The following STXBP4 variants were observed in gnomAD, a reference collection of about 807,000 sequenced individuals.
STXBP4 encodes syntaxin binding protein 4.
Under a neutral mutation model 76.1 loss-of-function variants are expected in STXBP4, and 55 were observed. The observed-to-expected ratio is 0.72, with a 90% CI of 0.58 to 0.91. The LOEUF is 0.91. STXBP4 is among the 40% of genes least tolerant of loss of function. The probability of loss-of-function intolerance (pLI) is 0.00; values close to 1 mark genes in which losing one functional copy is unlikely to be tolerated. For missense variants in STXBP4, 618 were observed against 636.9 expected (o/e 0.97, Z 0.32); for synonymous variants, 201 against 220.2 (o/e 0.91, Z 0.77).
chr17:54,975,834 T>A (rs1406188529), intron 1 of STXBP4, among the ~76,000 whole-genome samples: 1 of 152,146 alleles, frequency 6.6e-6, no homozygotes, highest in Non-Finnish European at 1.5e-5. Context: ...TTTACTGCCC[T>A]CAGACCTTTT....
At chr17:55,062,642 T>C (rs1186836486) in intron 12 of STXBP4, among the ~76,000 whole-genome samples, 2 of 152,206 alleles carry the variant, frequency 1.3e-5, no homozygotes, top group East Asian at 3.8e-4. Context: ...TCAAATGGTA[T>C]TTCTGGTTCT....
chr17:55,123,728 G>C (rs1026779961), intron 16 of STXBP4, among the ~76,000 whole-genome samples: 2 of 151,804 alleles, frequency 1.3e-5, no homozygotes, highest in African/African-American at 4.8e-5. Flanking sequence ...GTGAAACCCC[G>C]TCTCTACTAA....
At chr17:55,137,020 C>T (rs568987326) in intron 16 of STXBP4, among the ~76,000 whole-genome samples, 1 of 152,102 alleles carries the variant, frequency 6.6e-6, no homozygotes, top group South Asian at 2.1e-4. Flanking sequence ...ATCATGCTAA[C>T]CCCCTAAGCT....
chr17:55,010,512 A>G (rs1443217380), intron 8 of STXBP4, among the ~76,000 whole-genome samples: 1 of 152,152 alleles, frequency 6.6e-6, no homozygotes. Context: ...TCTTCAAAGT[A>G]TGAATAGTAT....
chr17:55,039,347 TA>T lies in STXBP4; in HGVS notation c.856-3878del, dbSNP rs11463240. Among the ~76,000 whole-genome samples, 13 of 149,308 alleles carry T rather than the reference TA, an allele frequency of 8.7e-5. No individual in the cohort carries two copies. In the East Asian group the frequency reaches 1.4e-3, roughly 16 times the overall value. On this transcript the variant is annotated intron_variant, in intron 10 of 17. Transcript: ENST00000376352. Reference sequence around the variant, plus strand: ...TAATGCACACAGAGAGTAGTCTACTTAAAAAAAAAAAGATAATTGGGTTCAT... The same window carrying T: ...TAATGCACACAGAGAGTAGTCTACTTAAAAAAAAAAGATAATTGGGTTCAT...
Position 55,073,974 on chromosome 17 carries a change from T to C in STXBP4, c.1188+898T>C, listed in dbSNP as rs1370900655. Reference sequence around the variant, plus strand: ...ATTTTTTTTTACATAATACATACTATATTCAGTGAAGAGGCTTCAAAAATC... The same window carrying C: ...ATTTTTTTTTACATAATACATACTACATTCAGTGAAGAGGCTTCAAAAATC... On this transcript the variant is annotated intron_variant, in intron 13 of 17. Coordinates refer to ENST00000376352, the MANE Select transcript of STXBP4 (RefSeq NM_178509.6). Among the ~76,000 whole-genome samples, 3 of 152,146 alleles carry C rather than the reference T, an allele frequency of 2.0e-5. No individual in the cohort carries two copies. In the East Asian group the frequency reaches 5.8e-4, roughly 29 times the overall value.
intron 4 of STXBP4, among the ~76,000 whole-genome samples, chr17:54,994,365 A>G (rs1387789915): frequency 1.3e-5 from 2 of 152,202 alleles, no homozygotes; most frequent in South Asian, 2.1e-4. Context: ...AACTCATGAC[A>G]TTTACATCAC....
At chr17:55,157,916 A>C (rs1433872974) in intron 17 of STXBP4, among the ~76,000 whole-genome samples, 2 of 152,196 alleles carry the variant, frequency 1.3e-5, no homozygotes, top group Admixed American at 6.6e-5. Flanking sequence ...TAACGGAGAT[A>C]TGTTACTTTG....
intron 16 of STXBP4, among the ~76,000 whole-genome samples, chr17:55,130,820 A>G (rs552087719): frequency 6.6e-6 from 1 of 152,294 alleles, no homozygotes; most frequent in African/African-American, 2.4e-5. Context: ...AATCTCCTCT[A>G]GATTCACCCA....
chr17:55,034,905 T>C (rs1177987035), intron 10 of STXBP4, among the ~76,000 whole-genome samples: 1 of 152,088 alleles, frequency 6.6e-6, no homozygotes, highest in African/African-American at 2.4e-5. Context: ...ACATTTATAT[T>C]ATTGAATATT....
Position 55,159,883 on chromosome 17 carries a change from C to G in STXBP4, c.1634C>G (p.Ser545Cys). 6.2e-7 allele frequency: 1 copy of G among 1,613,504 alleles called. No homozygotes were observed. The highest frequency in any genetic ancestry group is 8.5e-7 in the Non-Finnish European group (1 of 1,179,600). The change falls in exon 18 of 18, where the codon TCT becomes TGT. Residue 545 changes from serine (S) to cysteine (C), a missense_variant. Transcript: ENST00000376352. ...SRSEENEEDC[S>C]RELPNQKS ...TCAGAGGAGAATGAAGAGGATTGCT[C>G]TAGAGAACTCCCCAACCAGAAAAGT...
intron 1 of STXBP4, among the ~76,000 whole-genome samples, chr17:54,982,759 A>G (rs1691144160): frequency 6.6e-6 from 1 of 152,160 alleles, no homozygotes; most frequent in Non-Finnish European, 1.5e-5. Flanking sequence ...ATTTAAGGAC[A>G]TGACAATGAA....
At chr17:55,116,248 A>T (rs186700939) in intron 16 of STXBP4, among the ~76,000 whole-genome samples, 4 of 151,932 alleles carry the variant, frequency 2.6e-5, no homozygotes, top group African/African-American at 9.6e-5. Flanking sequence ...TGTAACTTAA[A>T]TGTTTTATCA....
At chr17:55,062,167 G>A (rs2079002010) in intron 12 of STXBP4, among the ~76,000 whole-genome samples, 1 of 151,764 alleles carries the variant, frequency 6.6e-6, no homozygotes, top group African/African-American at 2.4e-5. Context: ...GTATACACGT[G>A]CCATGGTGGT....
intron 12 of STXBP4, among the ~76,000 whole-genome samples, chr17:55,049,111 TGAAAG>T (rs1441422055): frequency 6.6e-6 from 1 of 151,776 alleles, no homozygotes; most frequent in Non-Finnish European, 1.5e-5. Context: ...TTTCAGGACA[TGAAAG>T]GAAAGAAAGA....
At chr17:55,026,096 A>G (rs1012640816) in intron 8 of STXBP4, among the ~76,000 whole-genome samples, 4 of 152,234 alleles carry the variant, frequency 2.6e-5, no homozygotes, top group African/African-American at 9.6e-5. Flanking sequence ...ACAAACCATC[A>G]TTGAAAGAAA....
chr17:55,046,811 AT>A (rs1410235332), intron 11 of STXBP4, among the ~76,000 whole-genome samples: 1 of 151,920 alleles, frequency 6.6e-6, no homozygotes, highest in Non-Finnish European at 1.5e-5. Context: ...TTGTGTTAAT[AT>A]TTACACATTT....
chr17:55,148,672 G>A (rs1417116676), intron 17 of STXBP4, among the ~76,000 whole-genome samples: 1 of 152,108 alleles, frequency 6.6e-6, no homozygotes, highest in Non-Finnish European at 1.5e-5. Flanking sequence ...CCGAGTAGCT[G>A]GGATTACAGG....
chr17:54,976,027 C>T (rs2077468701), intron 1 of STXBP4, among the ~76,000 whole-genome samples: 1 of 152,110 alleles, frequency 6.6e-6, no homozygotes, highest in Admixed American at 6.5e-5. Context: ...TTTCTCCCAC[C>T]ACTAGAATGT....
Sources: gnomAD v4.1 joint callset for allele counts (sites outside exome capture counted in the v4.1 genomes callset) on GRCh38, gnomAD v4.1.1 for gene constraint, MANE v1.5 for transcripts, NCBI Gene and HGNC (gene_info 2026-07-23, HGNC 2026-07-21) for gene names.